CNTN4: variants seen among roughly 807,000 people sequenced by gnomAD.
CNTN4 encodes the protein contactin 4, also known as contactin-4.
Under a neutral mutation model 122.5 loss-of-function variants are expected in CNTN4, and 77 were observed. The observed-to-expected ratio is 0.63, with a 90% CI of 0.52 to 0.76. The LOEUF (loss-of-function observed/expected upper bound fraction) is 0.76, where lower values mean the gene tolerates loss of function less well. Among genes scored for constraint, CNTN4 ranks in the 30% least tolerant of loss-of-function variants. CNTN4 has a pLI of 0.00. For missense variants in CNTN4, 1,256 were observed against 1,259.1 expected (o/e 1.00, Z 0.04); for synonymous variants, 512 against 447.0 (o/e 1.15, Z -1.83).
Position 2,516,176 on chromosome 3 carries a change from C to CAT in CNTN4, c.-88-55227_-88-55226dup, listed in dbSNP as rs757456719. 2.9e-3 allele frequency among the ~76,000 whole-genome samples: 436 copies of CAT among 150,808 alleles called. 2 individuals carry two copies. The highest frequency in any genetic ancestry group is 7.6e-3 in the African/African-American group (313 of 41,114). On this transcript the variant is annotated intron_variant, in intron 3 of 24. Transcript: ENST00000418658. ...TTGAACTTGTAGGCTATATTTGATGCATATATATATATATTTTTGATGCAG... is the reference window on the plus strand; with the variant it reads ...TTGAACTTGTAGGCTATATTTGATGCATATATATATATATATTTTTGATGCAG...
Position 2,667,283 on chromosome 3 carries a change from C to G in CNTN4, c.56-68932C>G, listed in dbSNP as rs535307530. Among the ~76,000 whole-genome samples, 9 of 152,296 alleles carry G rather than the reference C, an allele frequency of 5.9e-5. No homozygotes were observed. In the East Asian group the frequency reaches 1.2e-3, roughly 20 times the overall value. On this transcript the variant is annotated intron_variant, in intron 4 of 24. Coordinates refer to ENST00000418658, the MANE Select transcript of CNTN4 (RefSeq NM_175607.3). ...TCCTGACTTTTTAATGATTGCCATT[C>G]TAACTGGTGTGAGATGGTATCTCAT...
chr3:2,374,626 G>C (rs1343533232), intron 3 of CNTN4, among the ~76,000 whole-genome samples: 2 of 151,836 alleles, frequency 1.3e-5, no homozygotes, highest in South Asian at 2.1e-4. Flanking sequence ...ATGTGGCAAG[G>C]CTTGTTTGAA....
chr3:2,972,947 C>T (rs1036529073), intron 13 of CNTN4, among the ~76,000 whole-genome samples: 5 of 151,800 alleles, frequency 3.3e-5, no homozygotes, highest in Non-Finnish European at 7.4e-5. Context: ...TTTCGGTCAT[C>T]AACTTCCCCT....
intron 3 of CNTN4, among the ~76,000 whole-genome samples, chr3:2,458,835 A>T (rs1179352264): frequency 6.6e-6 from 1 of 152,190 alleles, no homozygotes; most frequent in Admixed American, 6.6e-5. Flanking sequence ...TGGTGACTAT[A>T]ATGCAGGGTA....
intron 4 of CNTN4, among the ~76,000 whole-genome samples, chr3:2,673,127 G>A (rs1486597426): frequency 2.0e-5 from 3 of 152,122 alleles, no homozygotes; most frequent in South Asian, 2.1e-4. Flanking sequence ...ATTCTTAGAT[G>A]GAAAATACGC....
chr3:2,713,504 C>T (rs1402751915), intron 4 of CNTN4, among the ~76,000 whole-genome samples: 3 of 152,144 alleles, frequency 2.0e-5, no homozygotes, highest in Admixed American at 6.6e-5. Context: ...TCAGCTTCTC[C>T]TTAGAGTCTC....
rs145692938 is a variant in CNTN4 at position 2,433,916 on chromosome 3, A to G, written c.-89+94683A>G. 7.9e-3 allele frequency among the ~76,000 whole-genome samples: 1,208 copies of G among 152,288 alleles called. 23 individuals are homozygous for G. The highest frequency in any genetic ancestry group is 0.069 in the South Asian group (334 of 4,822). ...GAAATAAGCCAGGCGCAGAAGGACAAATACCATATGATTTGACTTGCATGT... is the reference window on the plus strand; with the variant it reads ...GAAATAAGCCAGGCGCAGAAGGACAGATACCATATGATTTGACTTGCATGT... On this transcript the variant is annotated intron_variant, in intron 3 of 24. Coordinates refer to ENST00000418658, the MANE Select transcript of CNTN4 (RefSeq NM_175607.3).
intron 2 of CNTN4, among the ~76,000 whole-genome samples, chr3:2,239,712 TAAG>T (rs1326441772): frequency 1.6e-4 from 24 of 152,336 alleles, no homozygotes; most frequent in South Asian, 2.1e-4. Context: ...ATTAATAAAT[TAAG>T]AAGTTACAGG....
At chr3:2,132,148 G>T (rs967767652) in intron 2 of CNTN4, among the ~76,000 whole-genome samples, 1 of 152,150 alleles carries the variant, frequency 6.6e-6, no homozygotes, top group Admixed American at 6.5e-5. Flanking sequence ...ATTATGCTGT[G>T]AGGAAGTCCA....
intron 2 of CNTN4, among the ~76,000 whole-genome samples, chr3:2,316,464 A>G (rs1351596862): frequency 6.6e-6 from 1 of 152,170 alleles, no homozygotes; most frequent in East Asian, 1.9e-4. Flanking sequence ...TAGTTAATTT[A>G]TTGAACTAAT....
chr3:2,719,470 C>T (rs2728049), intron 4 of CNTN4, among the ~76,000 whole-genome samples: 30,028 of 151,972 alleles, frequency 0.2, 4,354 homozygotes, highest in East Asian at 0.39. Flanking sequence ...GATTTTTTAG[C>T]AGAGACAGGA....
chr3:2,639,072 C>A (rs981843744), intron 4 of CNTN4, among the ~76,000 whole-genome samples: 9 of 152,198 alleles, frequency 5.9e-5, no homozygotes, highest in Admixed American at 2.0e-4. Flanking sequence ...ATTTTCAACA[C>A]AGCTATCCGA....
rs542925471 is a variant in CNTN4 at position 2,366,496 on chromosome 3, G to A, written c.-89+27263G>A. On this transcript the variant is annotated intron_variant, in intron 3 of 24. Coordinates refer to ENST00000418658, the MANE Select transcript of CNTN4 (RefSeq NM_175607.3). ...TAATCCCAGCACTTTGGGAGGCCGA[G>A]GTGGGCGGATCATGAGGTCAGGAGA... Among the ~76,000 whole-genome samples the A allele has an allele frequency of 8.5e-5, 13 of 152,222 alleles. No homozygotes were observed. In the East Asian group the frequency reaches 2.3e-3, roughly 27 times the overall value.
At position 2,496,797 on chromosome 3, in the gene CNTN4, C is replaced by T. The variant is rs570210666; in HGVS notation, c.-88-74619C>T. On this transcript the variant is annotated intron_variant, in intron 3 of 24. Transcript: ENST00000418658. ...AGTGTTCCCTTGTGTTAAGGCTCTC[C>T]AGAGAAACAGACCCAATATATTAAG... is the stretch of plus-strand genomic sequence containing the variant. 5.2e-4 allele frequency among the ~76,000 whole-genome samples: 79 copies of T among 152,186 alleles called. 1 individual carries two copies. The highest frequency in any genetic ancestry group is 1.9e-3 in the African/African-American group (78 of 41,530).
chr3:2,814,547 C>G lies in CNTN4; in HGVS notation c.359-4939C>G, dbSNP rs577030577. On this transcript the variant is annotated intron_variant, in intron 6 of 24. Transcript: ENST00000418658. ...GAATAGAAGATTTGAAACCAAAGTA[C>G]TTATACCAACCCATCACACTATGTG... is the stretch of plus-strand genomic sequence containing the variant. 1.1e-3 allele frequency among the ~76,000 whole-genome samples: 171 copies of G among 152,312 alleles called. 1 individual carries two copies. The highest frequency in any genetic ancestry group is 3.9e-3 in the African/African-American group (163 of 41,568).
At chr3:2,299,898 G>A (rs528168682) in intron 2 of CNTN4, among the ~76,000 whole-genome samples, 1 of 152,164 alleles carries the variant, frequency 6.6e-6, no homozygotes, top group Non-Finnish European at 1.5e-5. Flanking sequence ...AATATAAATA[G>A]CGTTTACCGC....
At chr3:2,100,394 G>A (rs935248258) in intron 1 of CNTN4, among the ~76,000 whole-genome samples, 164 bp from the exon 2 acceptor site, 6 of 152,266 alleles carry the variant, frequency 3.9e-5, no homozygotes, top group African/African-American at 1.4e-4. Flanking sequence ...AATTTGGAAC[G>A]CGCTTGTATT....
At chr3:2,830,715 G>A (rs1352992691) in intron 7 of CNTN4, among the ~76,000 whole-genome samples, 4 of 152,152 alleles carry the variant, frequency 2.6e-5, no homozygotes, top group African/African-American at 9.7e-5. Flanking sequence ...GGATAGACGG[G>A]CACCATTCTT....
At chr3:2,276,292 C>G (rs1419696056) in intron 2 of CNTN4, among the ~76,000 whole-genome samples, 1 of 152,018 alleles carries the variant, frequency 6.6e-6, no homozygotes, top group Non-Finnish European at 1.5e-5. Flanking sequence ...CCTGCCTCAG[C>G]CTCCCGAGTA....
Sources: allele counts gnomAD v4.1 joint callset (sites outside exome capture counted in the v4.1 genomes callset), GRCh38; gene constraint gnomAD v4.1.1; transcripts MANE v1.5; gene names NCBI Gene and HGNC (gene_info 2026-07-23, HGNC 2026-07-21).